Variants in UGT1A3 observed in about 807,000 individuals in gnomAD.
UGT1A3 encodes the protein UDP-glucuronosyltransferase 1A3.
UGT1A3 carries 31 observed loss-of-function variants against 41.0 expected under a neutral mutation model. That is an observed-to-expected ratio of 0.76 (90% CI 0.57 to 1.02). The LOEUF (loss-of-function observed/expected upper bound fraction) is 1.02, where lower values mean the gene tolerates loss of function less well. UGT1A3 is among the 50% of genes least tolerant of loss of function. The probability of loss-of-function intolerance (pLI) is 0.00; values close to 1 mark genes in which losing one functional copy is unlikely to be tolerated. For missense variants in UGT1A3, 737 were observed against 671.0 expected, an observed-to-expected ratio of 1.10 and a Z score of -1.09; for synonymous variants, 262 against 257.6, an observed-to-expected ratio of 1.02 and a Z score of -0.17.
chr2:233,736,619 C>G (rs1245621807), intron 1 of UGT1A3, among the ~76,000 whole-genome samples: 1 of 152,186 alleles, frequency 6.6e-6, no homozygotes, highest in Non-Finnish European at 1.5e-5. Flanking sequence ...GAATTTTCAG[C>G]TTTTCTGCTC....
chr2:233,743,344 G>C, intron 1 of UGT1A3: 1 of 880,632 alleles, frequency 1.1e-6, no homozygotes, highest in South Asian at 1.4e-5. Context: ...AGTGGAAGTC[G>C]ACATGGACTT....
chr2:233,763,843 G>A (rs1698410988), intron 1 of UGT1A3, among the ~76,000 whole-genome samples: 1 of 152,204 alleles, frequency 6.6e-6, no homozygotes, highest in Non-Finnish European at 1.5e-5. Context: ...GGGTAAGATA[G>A]CAGTGGTTCA....
intron 1 of UGT1A3, among the ~76,000 whole-genome samples, chr2:233,761,829 G>C (rs1171169931): frequency 6.6e-6 from 1 of 152,178 alleles, no homozygotes; most frequent in Non-Finnish European, 1.5e-5. Context: ...CCTTCAGATG[G>C]AGCGTTAGGG....
chr2:233,767,747 C>CTG lies in UGT1A3; in HGVS notation c.1000-100_1000-99dup, dbSNP rs35331289. ...ACTGATCCTCCCACTCTGTTAAAGA[C>CTG]TGTTCCTTCAGAGGACCCCTGTTTT... is the stretch of plus-strand genomic sequence containing the variant. On this transcript the variant is annotated intron_variant, in intron 2 of 4. Coordinates refer to ENST00000482026, the MANE Select transcript of UGT1A3 (RefSeq NM_019093.4). 3.9e-3 allele frequency: 6,206 copies of CTG among 1,591,080 alleles called. 210 individuals are homozygous for CTG. In the African/African-American group the frequency reaches 0.073, roughly 19 times the overall value.
rs185333824 is a variant in UGT1A3, at chr2:233,753,128, G to A, written c.868-13906G>A. 3.3e-4 allele frequency: 50 copies of A among 152,262 alleles called. No individual in the cohort carries two copies. The East Asian group carries it at 8.9e-3, about 27-fold the overall frequency. 9.4% of individuals were successfully genotyped at this position (152,262 alleles called of 1,614,324 possible). A position where few individuals can be genotyped will look rare whatever the true frequency, so the allele number is the denominator to read the frequency against. On this transcript the variant is annotated intron_variant, in intron 1 of 4. Transcript: ENST00000482026. ...AAACCCATCCCCAGCAAACTACTCA[G>A]TGAGTATCTTCACACATGTAAGTTC...
chr2:233,755,356 C>T, intron 1 of UGT1A3: 1 of 377,544 alleles, frequency 2.6e-6, no homozygotes, highest in Non-Finnish European at 4.9e-6. Context: ...GCTTGGCGAC[C>T]TGGGCCGCCT....
chr2:233,735,217 A>T (rs1317592719), intron 1 of UGT1A3, among the ~76,000 whole-genome samples: 1 of 152,114 alleles, frequency 6.6e-6, no homozygotes, highest in African/African-American at 2.4e-5. Flanking sequence ...GTGCATATAT[A>T]TTTAGGATAG....
intron 1 of UGT1A3, among the ~76,000 whole-genome samples, chr2:233,731,109 T>G (rs1417583719): frequency 6.6e-6 from 1 of 152,194 alleles, no homozygotes; most frequent in Non-Finnish European, 1.5e-5. Flanking sequence ...TTTTTATAAA[T>G]GTAGGTATTA....
chr2:233,760,878 C>T (rs1697595439), intron 1 of UGT1A3: 1 of 1,614,062 alleles, frequency 6.2e-7, no homozygotes, highest in Admixed American at 1.7e-5. Context: ...CCAGGCCTCT[C>T]TCCTCTCATT....
At chr2:233,744,513 A>C (rs1259623883) in intron 1 of UGT1A3, among the ~76,000 whole-genome samples, 1 of 151,992 alleles carries the variant, frequency 6.6e-6, no homozygotes, top group Non-Finnish European at 1.5e-5. Context: ...CCCATGACAC[A>C]ATAGCAAATC....
chr2:233,735,194 G>A (rs1453877809), intron 1 of UGT1A3, among the ~76,000 whole-genome samples: 1 of 152,090 alleles, frequency 6.6e-6, no homozygotes, highest in Admixed American at 6.5e-5. Flanking sequence ...GAATCTAGGT[G>A]CTCCTGTATT....
intron 1 of UGT1A3, among the ~76,000 whole-genome samples, chr2:233,757,066 C>A (rs1244177013): frequency 2.6e-5 from 4 of 151,164 alleles, no homozygotes; most frequent in Non-Finnish European, 4.4e-5. Context: ...AGCAAGGGAT[C>A]CAGAATGGCT....
At chr2:233,768,519 GC>G (rs1699633874) in intron 4 of UGT1A3, 80 bp downstream of exon 4, 1 of 1,531,284 alleles carries the variant, frequency 6.5e-7, no homozygotes, top group East Asian at 2.5e-5. Flanking sequence ...CATTTACGTA[GC>G]ATTTAATAGC....
At chr2:233,740,031 T>C (rs1041494414) in intron 1 of UGT1A3, among the ~76,000 whole-genome samples, 2 of 151,832 alleles carry the variant, frequency 1.3e-5, no homozygotes, top group African/African-American at 2.4e-5. Flanking sequence ...CTGATGGTTT[T>C]ATAAGGGACT....
Position 233,730,113 on chromosome 2 carries a change from C to T in UGT1A3, c.867+120C>T, listed in dbSNP as rs1287163438. 3 of 1,563,380 alleles carry T rather than the reference C, an allele frequency of 1.9e-6. No homozygotes were observed. In the African/African-American group the frequency reaches 4.1e-5, roughly 21 times the overall value. ...TTCCAAATATTTCATTTCTGCTTCTCCTTGTCATAATAGCCTTCAGTGAGA... is the reference window on the plus strand; with the variant it reads ...TTCCAAATATTTCATTTCTGCTTCTTCTTGTCATAATAGCCTTCAGTGAGA... On this transcript the variant is annotated intron_variant, in intron 1 of 4. Coordinates refer to ENST00000482026, the MANE Select transcript of UGT1A3 (RefSeq NM_019093.4).
At chr2:233,745,976 A>AC in intron 1 of UGT1A3, among the ~76,000 whole-genome samples, 1 of 151,654 alleles carries the variant, frequency 6.6e-6, no homozygotes, top group Middle Eastern at 3.2e-3. Flanking sequence ...CTGAAATGGG[A>AC]CCATGACAGC....
At chr2:233,756,870 A>C (rs1360096515) in intron 1 of UGT1A3, among the ~76,000 whole-genome samples, 4 of 152,134 alleles carry the variant, frequency 2.6e-5, no homozygotes, top group Admixed American at 2.6e-4. Flanking sequence ...AAAGGGTATT[A>C]GGTGTAATGA....
chr2:233,761,029 T>C (rs769198771), intron 1 of UGT1A3: 2 of 1,614,178 alleles, frequency 1.2e-6, no homozygotes, highest in East Asian at 2.2e-5. Context: ...CCAGGACCTA[T>C]TGAGCTCTGC....
rs149750520 is a variant in UGT1A3, at chr2:233,767,884, T to C, written c.1035T>C (p.Asn345=). ...GGTACACTGGAACCCGACCATCGAA[T>C]CTTGCGAACAACACGATACTTGTTA... The part of the protein sequence containing the change: ...LWRYTGTRPS[N]LANNTILVKW... The change falls in exon 3 of 5, where the codon AAT becomes AAC. Residue 345 remains asparagine (N), a synonymous_variant. Coordinates refer to ENST00000482026, the MANE Select transcript of UGT1A3 (RefSeq NM_019093.4). The C allele has an allele frequency of 6.2e-7, 1 of 1,614,080 alleles. No homozygotes were observed. Among genetic ancestry groups the C allele is most frequent in the East Asian group, 2.2e-5 (1 of 44,900 alleles).
Sources: allele counts gnomAD v4.1 joint callset (sites outside exome capture counted in the v4.1 genomes callset), GRCh38; gene constraint gnomAD v4.1.1; transcripts MANE v1.5; gene names NCBI Gene and HGNC (gene_info 2026-07-23, HGNC 2026-07-21).